The following PDS5A variants were observed in gnomAD, a reference collection of about 807,000 sequenced individuals.
PDS5A encodes sister chromatid cohesion protein PDS5 homolog A.
A neutral mutation model predicts 167.1 loss-of-function variants in PDS5A; 42 were observed. The observed-to-expected ratio is 0.25, with a 90% CI of 0.20 to 0.33. The LOEUF is 0.33. Ranked by LOEUF, PDS5A falls within the 10% of genes least tolerant of loss-of-function variation. The probability of loss-of-function intolerance (pLI) is 1.00; values close to 1 mark genes in which losing one functional copy is unlikely to be tolerated. For synonymous variants in PDS5A, 553 were observed against 554.6 expected, an observed-to-expected ratio of 1.00 and a Z score of 0.04; for missense variants, 1,033 against 1,605.9, an observed-to-expected ratio of 0.64 and a Z score of 6.10.
At chr4:39,974,252 G>T in intron 2 of PDS5A, 1 of 554,656 alleles carries the variant, frequency 1.8e-6, no homozygotes, top group East Asian at 4.9e-5. Context: ...TCCCCAAGCT[G>T]CTCCTATACC....
At chr4:39,952,804 C>A (rs2109790353) in intron 2 of PDS5A, among the ~76,000 whole-genome samples, 1 of 149,998 alleles carries the variant, frequency 6.7e-6, no homozygotes, top group East Asian at 2.0e-4. Flanking sequence ...TCTCAGCTCA[C>A]TGCAACCTCT....
intron 17 of PDS5A, among the ~76,000 whole-genome samples, chr4:39,889,944 G>A (rs1442882515): frequency 1.3e-5 from 2 of 152,102 alleles, no homozygotes; most frequent in African/African-American, 4.8e-5. Context: ...CTCAGAGGTT[G>A]GTCAACAGCC....
In PDS5A at chr4:39,949,342, C is replaced by T. The variant is rs560234651; in HGVS notation, c.139-21178G>A. On this transcript the variant is annotated intron_variant, in intron 2 of 32. Coordinates refer to ENST00000303538, the MANE Select transcript of PDS5A (RefSeq NM_001100399.2). ...AAAAAGAACTGATGGTATGACTGGGCGAAATGTTATGCTAACTGAAATATG... is the reference window on the plus strand; with the variant it reads ...AAAAAGAACTGATGGTATGACTGGGTGAAATGTTATGCTAACTGAAATATG... Among the ~76,000 whole-genome samples, 10 of 145,496 alleles carry T rather than the reference C, an allele frequency of 6.9e-5. No homozygotes were observed. The South Asian group carries it at 2.2e-3, about 32-fold the overall frequency.
intron 32 of PDS5A, among the ~76,000 whole-genome samples, chr4:39,834,336 G>C (rs1716194838): frequency 6.6e-6 from 1 of 152,190 alleles, no homozygotes; most frequent in African/African-American, 2.4e-5. Context: ...GCCAACAAAT[G>C]ATAATATCTG....
intron 2 of PDS5A, chr4:39,973,425 A>G (rs1446919888): frequency 4.7e-6 from 7 of 1,479,286 alleles, no homozygotes; most frequent in Non-Finnish European, 5.7e-6. Context: ...CGGTGTGGAC[A>G]GCAGGAGTAG....
chr4:39,882,199 G>C (rs1410900426), intron 17 of PDS5A, among the ~76,000 whole-genome samples: 1 of 152,106 alleles, frequency 6.6e-6, no homozygotes, highest in African/African-American at 2.4e-5. Context: ...TCCCAAATGA[G>C]TATTAATACT....
intron 2 of PDS5A, among the ~76,000 whole-genome samples, chr4:39,965,773 G>C (rs182485800): frequency 6.6e-6 from 1 of 152,282 alleles, no homozygotes; most frequent in East Asian, 1.9e-4. Context: ...TTGTTGCCAG[G>C]AGCTGGGGAA....
intron 23 of PDS5A, among the ~76,000 whole-genome samples, chr4:39,865,628 T>C (rs1470433532): frequency 6.6e-6 from 1 of 152,208 alleles, no homozygotes; most frequent in East Asian, 1.9e-4. Flanking sequence ...TGGGTTCAAG[T>C]GATTTTCATG....
At chr4:39,864,166 C>T (rs576696571) in intron 23 of PDS5A, among the ~76,000 whole-genome samples, 1 of 151,312 alleles carries the variant, frequency 6.6e-6, no homozygotes, top group Non-Finnish European at 1.5e-5. Flanking sequence ...AACAAAAAAA[C>T]TTGATTAAAA....
At chr4:39,884,535 G>A (rs370413227) in intron 17 of PDS5A, among the ~76,000 whole-genome samples, 24 of 152,264 alleles carry the variant, frequency 1.6e-4, no homozygotes, top group African/African-American at 2.2e-4. Flanking sequence ...CCTTGCTACC[G>A]CACAGAAACT....
In PDS5A at chr4:39,913,683, G is replaced by A. The variant is rs754801238; in HGVS notation, c.920C>T (p.Ala307Val). 6.2e-7 allele frequency: 1 copy of A among 1,611,556 alleles called. No individual in the cohort carries two copies. The highest frequency in any genetic ancestry group is 1.1e-5 in the South Asian group (1 of 91,048). ...EERLAVVRLL[A>V]KLFGSKDSDL... The stretch of plus-strand genomic sequence containing the variant: ...AGAATCTTTGGAGCCAAACAATTTA[G>A]CTAGAAGTCGAACAACAGCTAATCG... The change falls in exon 9 of 33, where the codon GCT becomes GTT. Residue 307 changes from alanine to valine, a missense_variant. Physicochemically the swap from Ala to Val is moderately conservative, Grantham distance 64 (BLOSUM62 0). Transcript: ENST00000303538.
chr4:39,913,719 T>C lies in PDS5A; in HGVS notation c.884A>G (p.Asp295Gly). The C allele has an allele frequency of 6.4e-7, 1 of 1,569,274 alleles. No individual in the cohort carries two copies. Among genetic ancestry groups the C allele is most frequent in the Non-Finnish European group, 8.8e-7 (1 of 1,139,342 alleles). The change falls in exon 9 of 33, where the codon GAT becomes GGT. Residue 295 changes from aspartate (D) to glycine (G), a missense_variant. Asp to Gly is a moderately conservative substitution (Grantham distance 94). Transcript: ENST00000303538. Reference protein sequence around the residue: ...PQLEFKLKSNDGEERLAVVRL... With the variant: ...PQLEFKLKSNGGEERLAVVRL... ...AACAACAGCTAATCGCTCTTCTCCA[T>C]CATTGCTCTAAGAAGGGAAAACAGA...
chr4:39,918,375 G>C (rs948733694), intron 7 of PDS5A, among the ~76,000 whole-genome samples: 10 of 151,280 alleles, frequency 6.6e-5, no homozygotes, highest in Admixed American at 6.6e-5. Flanking sequence ...TTAAATGCTA[G>C]ACAGAAATAA....
intron 2 of PDS5A, chr4:39,933,213 G>C (rs1726254565): frequency 6.6e-6 from 1 of 152,270 alleles, no homozygotes; most frequent in Non-Finnish European, 1.5e-5. Flanking sequence ...ACCCAGATCA[G>C]TTTGCTGAGA....
chr4:39,902,156 G>A (rs1016653242), intron 13 of PDS5A, among the ~76,000 whole-genome samples, 191 bp downstream of exon 13: 2 of 152,116 alleles, frequency 1.3e-5, no homozygotes, highest in Admixed American at 1.3e-4. Flanking sequence ...TGACCTGGCT[G>A]CCAAACAAGC....
rs1023775341 is a variant in PDS5A at position 39,977,439 on chromosome 4, AGCC to A, written c.-41+15_-41+17del. Reference sequence around the variant, plus strand: ...CTCCAGCAGCCTAGGGCGGGAGCCGAGCCGCCGCCGCCTTTACCTCCTCCTCAT... The same window carrying A: ...CTCCAGCAGCCTAGGGCGGGAGCCGAGCCGCCGCCTTTACCTCCTCCTCAT... On this transcript the variant is annotated intron_variant, in intron 1 of 32. Coordinates refer to ENST00000303538, the MANE Select transcript of PDS5A (RefSeq NM_001100399.2). The surrounding 1 kb of genome is among the most constrained non-coding windows in gnomAD (Gnocchi z 4.2). 1.3e-5 allele frequency: 2 copies of A among 152,714 alleles called. No homozygotes were observed. Among genetic ancestry groups the A allele is most frequent in the Non-Finnish European group, 2.9e-5 (2 of 68,670 alleles). The allele number at this position is 152,714 out of a possible 1,614,324, so 9.5% of individuals were successfully genotyped here.
intron 2 of PDS5A, among the ~76,000 whole-genome samples, chr4:39,947,393 T>C (rs1458257994): frequency 6.6e-6 from 1 of 151,816 alleles, no homozygotes; most frequent in East Asian, 1.9e-4. Flanking sequence ...GAGGCTGCAG[T>C]GAGCCAAGAT....
At position 39,916,385 on chromosome 4, in the gene PDS5A, GTCATAA is replaced by G. The variant is rs547410201; in HGVS notation, c.876+657_876+662del. Reference sequence around the variant, plus strand: ...TGTCCTTAATCTGTACCATGAAAAGGTCATAAAATTGTAAGCAATACCATATGAGGA... The same window carrying G: ...TGTCCTTAATCTGTACCATGAAAAGGAATTGTAAGCAATACCATATGAGGA... On this transcript the variant is annotated intron_variant, in intron 8 of 32. Transcript: ENST00000303538. 8.8e-4 allele frequency among the ~76,000 whole-genome samples: 134 copies of G among 152,108 alleles called. 1 individual carries two copies. The highest frequency in any genetic ancestry group is 8.4e-3 in the Admixed American group (129 of 15,284).
chr4:39,854,675 C>A (rs964422927), intron 26 of PDS5A, among the ~76,000 whole-genome samples: 1 of 152,186 alleles, frequency 6.6e-6, no homozygotes, highest in Non-Finnish European at 1.5e-5. Context: ...ATTGTAACCA[C>A]CTCTTTATCT....
Sources: allele counts gnomAD v4.1 joint callset (sites outside exome capture counted in the v4.1 genomes callset), GRCh38; gene constraint gnomAD v4.1.1; non-coding constraint Gnocchi (gnomAD v3.1); transcripts MANE v1.5; gene names NCBI Gene and HGNC (gene_info 2026-07-23, HGNC 2026-07-21).